Variants in GFM1 observed in about 807,000 individuals in gnomAD.
GFM1 encodes the protein elongation factor G, mitochondrial.
GFM1 carries 62 observed loss-of-function variants against 96.2 expected under a neutral mutation model. The observed-to-expected ratio is 0.64, with a 90% CI of 0.53 to 0.80. The LOEUF (loss-of-function observed/expected upper bound fraction) is 0.80, where lower values mean the gene tolerates loss of function less well. Ranked by LOEUF, GFM1 falls within the 30% of genes least tolerant of loss-of-function variation. The pLI is 0.00. For missense variants in GFM1, 852 were observed against 916.6 expected (o/e 0.93, Z 0.91); for synonymous variants, 282 against 312.9 (o/e 0.90, Z 1.04).
chr3:158,649,060 G>A lies in GFM1; in HGVS notation c.592G>A (p.Ala198Thr). 2 of 1,524,396 alleles carry A rather than the reference G, an allele frequency of 1.3e-6. No homozygotes were observed. The highest frequency in any genetic ancestry group is 1.8e-6 in the Non-Finnish European group (2 of 1,098,836). 94.4% of individuals were successfully genotyped at this position (1,524,396 alleles called of 1,614,324 possible). A position where few individuals can be genotyped will look rare whatever the true frequency, so the allele number is the denominator to read the frequency against. ...QQMRSKLNHN[A>T]AFMQIPMGLE... ...TTTCAGGTCTAAACTAAATCATAAT[G>A]CAGCGTTTATGCAGATACCCATGGG... The change falls in exon 5 of 18, where the codon GCA becomes ACA. Residue 198 changes from alanine to threonine, a missense_variant. Ala to Thr is a moderately conservative substitution (Grantham distance 58, BLOSUM62 0). Transcript: ENST00000486715.
At position 158,645,968 on chromosome 3, in the gene GFM1, A is replaced by G. The variant is rs78679143; in HGVS notation, c.234+187A>G. 6.8e-3 allele frequency: 5,612 copies of G among 824,270 alleles called. 226 individuals are homozygous for G. The African/African-American group carries it at 0.085, about 13-fold the overall frequency. The allele number at this position is 824,270 out of a possible 1,614,324, so 51.1% of individuals were successfully genotyped here. ...TTCTGGTTTTATTTTTATTTTTTATAGAAGAGGTCTCACTTTGTTGCTCAG... is the reference window on the plus strand; with the variant it reads ...TTCTGGTTTTATTTTTATTTTTTATGGAAGAGGTCTCACTTTGTTGCTCAG... On this transcript the variant is annotated intron_variant, in intron 2 of 17. Transcript: ENST00000486715.
intron 13 of GFM1, among the ~76,000 whole-genome samples, chr3:158,670,685 A>G (rs1724201408): frequency 6.6e-6 from 1 of 152,222 alleles, no homozygotes; most frequent in African/African-American, 2.4e-5. Context: ...TGGAATATTT[A>G]GAATTAAATT....
At chr3:158,644,976 T>C in intron 1 of GFM1, 2 of 379,670 alleles carry the variant, frequency 5.3e-6, no homozygotes, top group Non-Finnish European at 9.4e-6. Context: ...CCACCTTTTC[T>C]AAGGTTTTTT....
In GFM1 at chr3:158,646,829, C is replaced by G; in HGVS notation, c.454C>G (p.Gln152Glu). 2 of 1,614,088 alleles carry G rather than the reference C, an allele frequency of 1.2e-6. No homozygotes were observed. Among genetic ancestry groups the G allele is most frequent in the Non-Finnish European group, 1.7e-6 (2 of 1,179,958 alleles). The change falls in exon 4 of 18, where the codon CAG (glutamine) becomes GAG (glutamate). Residue 152 changes from glutamine (Q) to glutamate (E), a missense_variant. Coordinates refer to ENST00000486715, the MANE Select transcript of GFM1 (RefSeq NM_024996.7). The part of the protein sequence containing the change: ...VLVLCAVGGV[Q>E]CQTMTVNRQM... ...TGTTCTCTGTGCTGTTGGAGGGGTA[C>G]AGTGCCAGACCATGACTGTCAATCG...
At chr3:158,669,426 T>C in intron 13 of GFM1, 1 of 1,603,524 alleles carries the variant, frequency 6.2e-7, no homozygotes, top group East Asian at 2.2e-5. Flanking sequence ...ATGCCATATT[T>C]ATATACCTGG....
At position 158,660,864 on chromosome 3, in the gene GFM1, G is replaced by GT. The variant is rs1278614328; in HGVS notation, c.1222-3dup. The GT allele has an allele frequency of 1.2e-6, 2 of 1,609,002 alleles. No individual in the cohort carries two copies. Among genetic ancestry groups the GT allele is most frequent in the Non-Finnish European group, 8.5e-7 (1 of 1,175,564 alleles). On this transcript the variant is annotated splice_polypyrimidine_tract_variant and intron_variant, in intron 9 of 17. Transcript: ENST00000486715. Reference sequence around the variant, plus strand: ...TTGCAAATATAATTTTGTGTTATTTGTTTTTTTAGGATGTTGAGGAAGTAT... The same window carrying GT: ...TTGCAAATATAATTTTGTGTTATTTGTTTTTTTTAGGATGTTGAGGAAGTAT...
intron 13 of GFM1, chr3:158,672,335 C>A (rs749609421): frequency 1.9e-6 from 3 of 1,613,094 alleles, no homozygotes; most frequent in Non-Finnish European, 2.5e-6. Context: ...GTCCACCACC[C>A]CCTGCTAAAC....
rs374887662 is a variant in GFM1, at chr3:158,649,023, T to A, written c.573-18T>A. 18 of 1,073,636 alleles carry A rather than the reference T, an allele frequency of 1.7e-5. No individual in the cohort carries two copies. The African/African-American group carries it at 1.7e-4, about 10-fold the overall frequency. The allele number at this position is 1,073,636 out of a possible 1,614,324, so 66.5% of individuals were successfully genotyped here. ...GGGGAGAAGAAAAAAGGTAAACAAG[T>A]GTATTTTTATTTTTCAGGTCTAAAC... On this transcript the variant is annotated intron_variant, in intron 4 of 17. Transcript: ENST00000486715.
chr3:158,649,472 G>A (rs1722118216), intron 5 of GFM1: 3 of 254,718 alleles, frequency 1.2e-5, no homozygotes, highest in East Asian at 9.9e-5. Flanking sequence ...TTTTGCACTT[G>A]TTCATTTATT....
In GFM1 at chr3:158,660,874, G is replaced by T. The variant is rs1251580769; in HGVS notation, c.1222G>T (p.Asp408Tyr). 1 of 1,611,878 alleles carries T rather than the reference G, an allele frequency of 6.2e-7. No homozygotes were observed. Among genetic ancestry groups the T allele is most frequent in the Non-Finnish European group, 8.5e-7 (1 of 1,178,178 alleles). ...AATTTTGTGTTATTTGTTTTTTTAGGATGTTGAGGAAGTATATGCCGGAGA... is the reference window on the plus strand; with the variant it reads ...AATTTTGTGTTATTTGTTTTTTTAGTATGTTGAGGAAGTATATGCCGGAGA... ...LARMHADMME[D>Y]VEEVYAGDIC... Residue 408 changes from aspartate (D) to tyrosine (Y), a missense_variant and splice_region_variant, in exon 10 of 18, where the codon GAT (aspartate) becomes TAT (tyrosine). Transcript: ENST00000486715.
chr3:158,665,559 G>A, intron 12 of GFM1, 85 bp downstream of exon 12: 2 of 1,218,238 alleles, frequency 1.6e-6, no homozygotes, highest in Non-Finnish European at 1.2e-6. Context: ...TCTAATGTCT[G>A]TAACTAACTC....
chr3:158,690,325 T>C lies in GFM1; in HGVS notation c.2070+2T>C. On this transcript the variant is annotated splice_donor_variant, in intron 16 of 17. Transcript: ENST00000486715. LOFTEE classifies it high-confidence loss of function. ...GACTATTTTACACTGTATGCAGATG[T>C]AAGTAGTCTTGGTCATTGGCAGTCC... The C allele has an allele frequency of 6.2e-7, 1 of 1,613,272 alleles. No individual in the cohort carries two copies. Among genetic ancestry groups the C allele is most frequent in the Non-Finnish European group, 8.5e-7 (1 of 1,179,224 alleles).
intron 15 of GFM1, among the ~76,000 whole-genome samples, chr3:158,685,873 C>T (rs1254275624): frequency 6.6e-6 from 1 of 152,076 alleles, no homozygotes; most frequent in Non-Finnish European, 1.5e-5. Flanking sequence ...CTTAAACTGA[C>T]AAATTAGTTA....
At chr3:158,659,414 AAAGAT>A (rs1282952613) in intron 9 of GFM1, among the ~76,000 whole-genome samples, 3 of 152,226 alleles carry the variant, frequency 2.0e-5, no homozygotes, top group Admixed American at 1.3e-4. Context: ...TGTGATTCTT[AAAGAT>A]AAGAGAATAA....
At position 158,653,449 on chromosome 3, in the gene GFM1, C is replaced by G; in HGVS notation, c.980C>G (p.Ala327Gly). 2 of 1,612,688 alleles carry G rather than the reference C, an allele frequency of 1.2e-6. No homozygotes were observed. The highest frequency in any genetic ancestry group is 1.3e-5 in the African/African-American group (1 of 74,986). The part of the protein sequence containing the change: ...LPNPSEVQNY[A>G]ILNKEDDSKE... ...AATCCATCTGAAGTCCAGAACTATG[C>G]TATTCTCAATAAAGAGGAGTAAGTC... Residue 327 changes from alanine to glycine, a missense_variant, in exon 7 of 18, where the codon GCT becomes GGT. Transcript: ENST00000486715.
intron 8 of GFM1, 123 bp downstream of exon 8, chr3:158,654,754 G>GAAAA: frequency 1.4e-6 from 1 of 722,320 alleles, no homozygotes; most frequent in Non-Finnish European, 2.5e-6. Context: ...AGTAGAAAGA[G>GAAAA]CAGGTAGAGA....
In GFM1 at chr3:158,645,672, C is replaced by A. The variant is rs752242755; in HGVS notation, c.125C>A (p.Pro42His). Residue 42 changes from proline to histidine, a missense_variant, in exon 2 of 18, where the codon CCT becomes CAT. Pro to His is a moderately conservative substitution (Grantham distance 77). Transcript: ENST00000486715. ...ACRWSSSGVI[P>H]NEKIRNIGIS... is the part of the protein sequence containing the mutation. ...CGATGGTCTTCATCAGGGGTGATTC[C>A]TAATGAAAAAATACGAAATATTGGA... 6 of 1,612,636 alleles carry A rather than the reference C, an allele frequency of 3.7e-6. No homozygotes were observed. The highest frequency in any genetic ancestry group is 5.1e-6 in the Non-Finnish European group (6 of 1,178,864).
At position 158,684,675 on chromosome 3, in the gene GFM1, T is replaced by A. The variant is rs1000408681; in HGVS notation, c.1909+7T>A. On this transcript the variant is annotated splice_region_variant and intron_variant, in intron 15 of 17. Transcript: ENST00000486715. ...GAAGGTGCTCTTAAACAAGGTATGC[T>A]GGGTCCGGGCACCTTAGCCTGTCTG... 6.2e-7 allele frequency: 1 copy of A among 1,613,924 alleles called. No homozygotes were observed. The highest frequency in any genetic ancestry group is 1.3e-5 in the African/African-American group (1 of 75,036).
chr3:158,655,376 C>G (rs754041608), intron 8 of GFM1, among the ~76,000 whole-genome samples: 47 of 151,770 alleles, frequency 3.1e-4, no homozygotes, highest in Non-Finnish European at 5.6e-4. Context: ...CCCAGCTACT[C>G]AGGACGCTGA....
Sources: gnomAD v4.1 joint callset for allele counts (sites outside exome capture counted in the v4.1 genomes callset) on GRCh38, gnomAD v4.1.1 for gene constraint, MANE v1.5 for transcripts, NCBI Gene and HGNC (gene_info 2026-07-23, HGNC 2026-07-21) for gene names.